PSMD6: variants seen among roughly 807,000 people sequenced by gnomAD.
PSMD6 encodes proteasome 26S subunit, non-ATPase 6, also known as 26S proteasome non-ATPase regulatory subunit 6.
A neutral mutation model predicts 44.9 loss-of-function variants in PSMD6; 7 were observed. The observed-to-expected ratio is 0.16, with a 90% CI of 0.09 to 0.29. The LOEUF is 0.29. Ranked by LOEUF, PSMD6 falls within the 10% of genes least tolerant of loss-of-function variation. The pLI is 1.00. For missense variants in PSMD6, 420 were observed against 482.6 expected (o/e 0.87, Z 1.21); for synonymous variants, 184 against 172.7 (o/e 1.07, Z -0.51).
intron 5 of PSMD6, chr3:64,015,686 T>A (rs1220319925): frequency 2.0e-5 from 3 of 152,172 alleles, no homozygotes; most frequent in Non-Finnish European, 4.4e-5. Context: ...TACACAAAAG[T>A]GTTACATGCT....
upstream of PSMD6, chr3:64,023,614 C>G (rs2076170818): frequency 7.1e-7 from 1 of 1,417,882 alleles, no homozygotes; most frequent in Admixed American, 3.1e-5. Flanking sequence ...CCTGTGTGGT[C>G]ACGGGGGCTT....
In PSMD6 at chr3:64,010,895, T is replaced by A. The variant is rs1326794832; in HGVS notation, c.1056A>T (p.Glu352Asp). 6.2e-7 allele frequency: 1 copy of A among 1,610,686 alleles called. No individual in the cohort carries two copies. Among genetic ancestry groups the A allele is most frequent in the Non-Finnish European group, 8.5e-7 (1 of 1,177,838 alleles). Residue 352 changes from glutamate (E) to aspartate (D), a missense_variant, in exon 7 of 8, where the codon GAA (glutamate) becomes GAT (aspartate). By Grantham distance (45) the Glu-to-Asp change is conservative (BLOSUM62 2). Coordinates refer to ENST00000295901, the MANE Select transcript of PSMD6 (RefSeq NM_014814.3). ...RLHCKIDKVNEIVETNRPDSK... is the reference protein window; with the variant it reads ...RLHCKIDKVNDIVETNRPDSK... ...GAGAGTACCTGTTGGTTTCTACTAT[T>A]TCATTCACTTTATCTATTTTGCAGT...
In PSMD6 at chr3:64,018,633, A is replaced by G. The variant is rs1452730292; in HGVS notation, c.792T>C (p.Tyr264=). ...PAVRQYLFSL[Y]ECRYSVFFQS... Reference sequence around the variant, plus strand: ...GGAAGAAAACAGAGTAACGGCATTCATAGAGTGAAAACAGATACTGCCGAA... The same window carrying G: ...GGAAGAAAACAGAGTAACGGCATTCGTAGAGTGAAAACAGATACTGCCGAA... The change falls in exon 5 of 8, where the codon TAT becomes TAC. Residue 264 remains tyrosine (Y), a synonymous_variant. Coordinates refer to ENST00000295901, the MANE Select transcript of PSMD6 (RefSeq NM_014814.3). 1 of 1,595,376 alleles carries G rather than the reference A, an allele frequency of 6.3e-7. No homozygotes were observed. Among genetic ancestry groups the G allele is most frequent in the East Asian group, 2.2e-5 (1 of 44,760 alleles).
intron 1 of PSMD6, 56 bp downstream of exon 1, chr3:64,023,219 G>C: frequency 1.3e-6 from 2 of 1,493,378 alleles, no homozygotes; most frequent in African/African-American, 1.4e-5. Context: ...GCAGGCTCCG[G>C]AACGCGGGGA....
intron 5 of PSMD6, chr3:64,016,825 C>CA (rs1213055130): frequency 1.3e-5 from 2 of 152,222 alleles, no homozygotes; most frequent in East Asian, 3.9e-4. Flanking sequence ...CATTCCACTC[C>CA]ATATGTCCAC....
chr3:64,022,559 ACTTGTGCC>A (rs763617136), intron 1 of PSMD6, 36 bp from the exon 2 acceptor site: 2 of 1,610,730 alleles, frequency 1.2e-6, no homozygotes, highest in East Asian at 4.5e-5. Context: ...GAGTGGGGAC[ACTTGTGCC>A]CTCAAGTCAA....
chr3:64,020,966 C>G (rs2076119386), intron 2 of PSMD6, among the ~76,000 whole-genome samples: 1 of 151,994 alleles, frequency 6.6e-6, no homozygotes, highest in Non-Finnish European at 1.5e-5. Flanking sequence ...CACAGTTACT[C>G]AATTAAATTT....
intron 2 of PSMD6, chr3:64,019,905 GAATAA>G (rs1355965871): frequency 6.6e-6 from 1 of 152,566 alleles, no homozygotes; most frequent in African/African-American, 2.4e-5. Context: ...CTTTGAATAT[GAATAA>G]AATAATTTGT....
In PSMD6 at chr3:64,023,280, T is replaced by C. The variant is rs1201573979; in HGVS notation, c.140A>G (p.Asp47Gly). Residue 47 changes from aspartate to glycine, a missense_variant, in exon 1 of 8, where the codon GAT (aspartate) becomes GGT (glycine). Around this residue, in one of 4 missense-constraint regions of PSMD6, gnomAD observed 136 missense variants for 124.2 expected, o/e 1.09. Transcript: ENST00000295901. ...VRDELMAAVR[D>G]NNMAPYYEAL... ...GGCGCTCGTGCGGGCCTCACTGTTA[T>C]CGCGGACGGCCGCCATCAGCTCGTC... 2.6e-6 allele frequency: 4 copies of C among 1,566,608 alleles called. No individual in the cohort carries two copies. The highest frequency in any genetic ancestry group is 1.9e-5 in the Admixed American group (1 of 52,912).
chr3:64,023,497 C>T (rs553136679), upstream of PSMD6: 22 of 1,451,496 alleles, frequency 1.5e-5, no homozygotes, highest in East Asian at 2.7e-5. Flanking sequence ...GAGGAGTCGG[C>T]GAATACGCCC....
chr3:64,022,544 T>C (rs1033441991), intron 1 of PSMD6, 21 bp from the exon 2 acceptor site: 2 of 1,612,476 alleles, frequency 1.2e-6, no homozygotes, highest in African/African-American at 1.3e-5. Flanking sequence ...AAAAGAGGGA[T>C]GTGTGAGTGG....
intron 1 of PSMD6, 74 bp from the exon 2 acceptor site, chr3:64,022,597 C>A: frequency 1.3e-6 from 2 of 1,545,344 alleles, no homozygotes; most frequent in Middle Eastern, 1.7e-4. Context: ...ACGTATTTCA[C>A]CCCCCGCCCC....
rs1303080592 is a variant in PSMD6, at chr3:64,013,421, G to A, written c.995+18C>T. On this transcript the variant is annotated intron_variant, in intron 6 of 7. Coordinates refer to ENST00000295901, the MANE Select transcript of PSMD6 (RefSeq NM_014814.3). ...GCAACTTTAAAACTTCAATTAACAT[G>A]GCATTATTCAAACTTACTGATCAAT... 1 of 1,528,934 alleles carries A rather than the reference G, an allele frequency of 6.5e-7. No individual in the cohort carries two copies. The highest frequency in any genetic ancestry group is 1.4e-5 in the African/African-American group (1 of 70,706). 94.7% of individuals were successfully genotyped at this position (1,528,934 alleles called of 1,614,324 possible). A position where few individuals can be genotyped will look rare whatever the true frequency, so the allele number is the denominator to read the frequency against.
chr3:64,011,302 G>C (rs528166582), intron 6 of PSMD6: 8 of 174,866 alleles, frequency 4.6e-5, no homozygotes, highest in East Asian at 3.1e-4. Context: ...CAAAATTATG[G>C]AACACAGCCC....
At position 64,019,384 on chromosome 3, in the gene PSMD6, G is replaced by A; in HGVS notation, c.409C>T (p.Arg137Ter). 6.2e-7 allele frequency: 1 copy of A among 1,610,952 alleles called. No homozygotes were observed. Among genetic ancestry groups the A allele is most frequent in the Non-Finnish European group, 8.5e-7 (1 of 1,177,366 alleles). The change falls in exon 3 of 8, where the codon CGA (arginine) becomes TGA (stop). Residue 137 changes from arginine (R) to a stop codon, truncating the protein, a stop_gained. Coordinates refer to ENST00000295901, the MANE Select transcript of PSMD6 (RefSeq NM_014814.3). LOFTEE classifies it high-confidence loss of function. Reference sequence around the variant, plus strand: ...AGGAGATAGAATACAATATCCAATCGGTGACCCAGGGCCACAGTTTTGTCA... The same window carrying A: ...AGGAGATAGAATACAATATCCAATCAGTGACCCAGGGCCACAGTTTTGTCA... ...TYDKTVALGH[R>*]LDIVFYLLRI...
upstream of PSMD6, chr3:64,023,749 G>A: frequency 6.8e-7 from 1 of 1,478,440 alleles, no homozygotes; most frequent in Non-Finnish European, 9.1e-7. Flanking sequence ...ACTGATGGGA[G>A]CTTAAAATTT....
intron 6 of PSMD6, 30 bp from the exon 7 acceptor site, chr3:64,010,985 A>G (rs2075930337): frequency 6.6e-7 from 1 of 1,515,202 alleles, no homozygotes; most frequent in Middle Eastern, 1.8e-4. Flanking sequence ...TAACAGAATT[A>G]GCTTTATAGA....
At position 64,013,542 on chromosome 3, in the gene PSMD6, C is replaced by T; in HGVS notation, c.892G>A (p.Glu298Lys). 1 of 1,613,638 alleles carries T rather than the reference C, an allele frequency of 6.2e-7. No individual in the cohort carries two copies. ...TGACTGTATGCATGAATTCTCATTT[C>T]TCTTACATAGTATCGATAATGAGGG... ...FAPHYRYYVR[E>K]MRIHAYSQLL... The change falls in exon 6 of 8, where the codon GAA becomes AAA. Residue 298 changes from glutamate to lysine, a missense_variant. Glu to Lys is a moderately conservative substitution (Grantham distance 56). Coordinates refer to ENST00000295901, the MANE Select transcript of PSMD6 (RefSeq NM_014814.3).
At chr3:64,021,748 T>G (rs746691663) in intron 2 of PSMD6, among the ~76,000 whole-genome samples, 1 of 151,412 alleles carries the variant, frequency 6.6e-6, no homozygotes, top group Admixed American at 6.6e-5. Context: ...CAGGTGGAGG[T>G]TGCAGTGAGC....
Sources: allele counts gnomAD v4.1 joint callset (sites outside exome capture counted in the v4.1 genomes callset), GRCh38; gene constraint gnomAD v4.1.1; regional missense constraint gnomAD v4.1.1; transcripts MANE v1.5; gene names NCBI Gene and HGNC (gene_info 2026-07-23, HGNC 2026-07-21).